The following DENND2B variants were observed in gnomAD, a reference collection of about 807,000 sequenced individuals.
The protein encoded by DENND2B is DENN domain containing 2B, also known as DENN domain-containing protein 2B.
A neutral mutation model predicts 116.0 loss-of-function variants in DENND2B; 32 were observed. The ratio of observed to expected loss-of-function variants is 0.28; its 90% CI spans 0.21 to 0.37. The LOEUF (loss-of-function observed/expected upper bound fraction) is 0.37. Among genes scored for constraint, DENND2B ranks in the 10% least tolerant of loss-of-function variants. The probability of loss-of-function intolerance (pLI) is 1.00; values close to 1 mark genes in which losing one functional copy is unlikely to be tolerated. For missense variants in DENND2B, 1,276 were observed against 1,477.7 expected (o/e 0.86, Z 2.24); for synonymous variants, 588 against 583.9 (o/e 1.01, Z -0.10).
intron 2 of DENND2B, among the ~76,000 whole-genome samples, chr11:8,868,237 C>T (rs1216663020): frequency 2.6e-5 from 4 of 152,250 alleles, no homozygotes; most frequent in African/African-American, 4.8e-5. Flanking sequence ...CCCAGATATC[C>T]TGGCTACATT....
chr11:8,863,346 T>TCCCAGGTTCACACCAATCTCCTGC (rs543669262), intron 2 of DENND2B, among the ~76,000 whole-genome samples: 2 of 81,306 alleles, frequency 2.5e-5, no homozygotes, highest in Middle Eastern at 7.9e-3. Context: ...AAGCTCCACC[T>TCCCAGGTTCACACCAATCTCCTGC]CTCAGCCTCC....
In DENND2B at chr11:8,693,999, GCAGAGGAGCCACAGCAGCC is replaced by G. The variant is rs1472109200; in HGVS notation, c.*78_*96del. 1 of 1,339,064 alleles carries G rather than the reference GCAGAGGAGCCACAGCAGCC, an allele frequency of 7.5e-7. No homozygotes were observed. Among genetic ancestry groups the G allele is most frequent in the Non-Finnish European group, 1.1e-6 (1 of 947,884 alleles). The allele number at this position is 1,339,064 out of a possible 1,614,324, so 82.9% of individuals were successfully genotyped here. On this transcript the variant is annotated 3_prime_UTR_variant, in exon 20 of 20. Transcript: ENST00000313726. ...GGCTTGGAGGATAGGATCTGTGGGGGCAGAGGAGCCACAGCAGCCCAGAGGGTCCCAGGCTGGGCCTTCT... is the reference window on the plus strand; with the variant it reads ...GGCTTGGAGGATAGGATCTGTGGGGGCAGAGGGTCCCAGGCTGGGCCTTCT...
At chr11:8,759,973 T>C (rs1346192480) in intron 1 of DENND2B, among the ~76,000 whole-genome samples, 1 of 152,208 alleles carries the variant, frequency 6.6e-6, no homozygotes, top group Non-Finnish European at 1.5e-5. Context: ...TCAGCACTTG[T>C]GTCTTCTGGA....
intron 14 of DENND2B, 75 bp from the exon 15 acceptor site, chr11:8,699,465 G>C: frequency 6.9e-7 from 1 of 1,443,116 alleles, no homozygotes; most frequent in South Asian, 1.3e-5. Context: ...GCTCAGGACA[G>C]CCTTTGATCG....
intron 1 of DENND2B, chr11:8,776,622 T>C (rs1430252993): frequency 9.9e-6 from 2 of 202,862 alleles, no homozygotes; most frequent in African/African-American, 2.3e-5. Flanking sequence ...TGGGGTCTTC[T>C]TACCTTTCAA....
At chr11:8,781,372 T>C (rs374981515) in intron 1 of DENND2B, among the ~76,000 whole-genome samples, 5 of 152,092 alleles carry the variant, frequency 3.3e-5, no homozygotes, top group African/African-American at 7.2e-5. Context: ...GGTGGCTTCA[T>C]TGGAGAGGGT....
At chr11:8,780,624 G>A (rs767123295) in intron 1 of DENND2B, among the ~76,000 whole-genome samples, 31 of 152,312 alleles carry the variant, frequency 2.0e-4, no homozygotes, top group Non-Finnish European at 3.7e-4. Context: ...GAAAGACAGA[G>A]ACATGTCGGC....
chr11:8,823,898 T>G (rs918362667), intron 4 of DENND2B, among the ~76,000 whole-genome samples: 1 of 106,466 alleles, frequency 9.4e-6, no homozygotes, highest in East Asian at 2.4e-4. Flanking sequence ...ATTCTTCTTC[T>G]TCTTCTTTTT....
chr11:8,865,681 G>A (rs1293571611), intron 2 of DENND2B, among the ~76,000 whole-genome samples: 2 of 150,840 alleles, frequency 1.3e-5, no homozygotes. Context: ...TAACTACAAG[G>A]AGATAATCTG....
At chr11:8,882,142 C>T (rs1194340686) in intron 1 of DENND2B, among the ~76,000 whole-genome samples, 1 of 152,154 alleles carries the variant, frequency 6.6e-6, no homozygotes, top group Non-Finnish European at 1.5e-5. Context: ...CCTGAACTTC[C>T]AACTACCTTG....
At chr11:8,780,367 A>G (rs1397719366) in intron 1 of DENND2B, among the ~76,000 whole-genome samples, 2 of 152,204 alleles carry the variant, frequency 1.3e-5, no homozygotes, top group Non-Finnish European at 2.9e-5. Context: ...GAGAGATACA[A>G]TGTTGAAGCT....
At chr11:8,870,653 G>T (rs991523309) in intron 2 of DENND2B, among the ~76,000 whole-genome samples, 1 of 151,932 alleles carries the variant, frequency 6.6e-6, no homozygotes, top group Non-Finnish European at 1.5e-5. Context: ...CCCGAGATCG[G>T]GTCTCCGCTC....
At chr11:8,744,259 A>G (rs1467853159) in intron 2 of DENND2B, among the ~76,000 whole-genome samples, 2 of 150,814 alleles carry the variant, frequency 1.3e-5, no homozygotes, top group African/African-American at 2.4e-5. Flanking sequence ...TCAGGCTCCC[A>G]AGTAGCTGGG....
At chr11:8,825,766 G>A (rs2061953653) in intron 4 of DENND2B, among the ~76,000 whole-genome samples, 1 of 152,008 alleles carries the variant, frequency 6.6e-6, no homozygotes, top group Non-Finnish European at 1.5e-5. Flanking sequence ...AATACTGCAA[G>A]ACAACAGGAT....
At chr11:8,734,180 T>C (rs1034786009) in intron 2 of DENND2B, among the ~76,000 whole-genome samples, 3 of 152,370 alleles carry the variant, frequency 2.0e-5, no homozygotes, top group Admixed American at 2.0e-4. Context: ...TGCATGTTTC[T>C]GATTCTACCT....
Position 8,707,920 on chromosome 11 carries a change from CTCCTTT to C in DENND2B, c.2353-72_2353-67del, listed in dbSNP as rs757554739. ...GAGAATGCATGATTACCATTTCTGG[CTCCTTT>C]TCCTTGGGAACGGAGGAGTAAGGAC... On this transcript the variant is annotated intron_variant, in intron 11 of 19. Transcript: ENST00000313726. This position sits in a 1 kb window ranked among gnomAD's most constrained non-coding sequence, Gnocchi z 4.8. The C allele has an allele frequency of 1.2e-5, 19 of 1,560,538 alleles. No individual in the cohort carries two copies. Among genetic ancestry groups the C allele is most frequent in the Middle Eastern group, 1.7e-4 (1 of 6,028 alleles).
chr11:8,910,558 T>G (rs987094002), intron 1 of DENND2B, among the ~76,000 whole-genome samples: 39 of 151,358 alleles, frequency 2.6e-4, no homozygotes, highest in African/African-American at 9.2e-4. Flanking sequence ...CCACTCCTCC[T>G]ACTGTGTGTG....
intron 1 of DENND2B, among the ~76,000 whole-genome samples, chr11:8,807,235 T>C (rs762196414): frequency 1.3e-4 from 19 of 151,992 alleles, no homozygotes; most frequent in Non-Finnish European, 2.6e-4. Flanking sequence ...CTAAGAGGAG[T>C]GACAGGAAGG....
intron 4 of DENND2B, among the ~76,000 whole-genome samples, chr11:8,830,396 T>A (rs147171681): frequency 6.6e-6 from 1 of 152,380 alleles, no homozygotes; most frequent in East Asian, 1.9e-4. Context: ...AATGTATCCA[T>A]GGTTCGTAAA....
Sources: allele counts gnomAD v4.1 joint callset (sites outside exome capture counted in the v4.1 genomes callset), GRCh38; gene constraint gnomAD v4.1.1; non-coding constraint Gnocchi (gnomAD v3.1); transcripts MANE v1.5; gene names NCBI Gene and HGNC (gene_info 2026-07-23, HGNC 2026-07-21).